Variants in DGKB observed in about 807,000 individuals in gnomAD.
DGKB encodes the protein diacylglycerol kinase beta, also known as 90 kDa diacylglycerol kinase.
Under a neutral mutation model 114.3 loss-of-function variants are expected in DGKB, and 67 were observed. The observed-to-expected ratio is 0.59, with a 90% confidence interval of 0.48 to 0.72. The LOEUF (loss-of-function observed/expected upper bound fraction) is 0.72. Ranked by LOEUF, DGKB falls within the 30% of genes least tolerant of loss-of-function variation. The pLI is 0.00. For missense variants in DGKB, 907 were observed against 975.2 expected (o/e 0.93, Z 0.93); for synonymous variants, 398 against 323.1 (o/e 1.23, Z -2.49).
chr7:14,408,656 A>G (rs986624538), intron 21 of DGKB, among the ~76,000 whole-genome samples: 1 of 152,248 alleles, frequency 6.6e-6, no homozygotes, highest in African/African-American at 2.4e-5. Context: ...CAAATATAGT[A>G]TTTTAAATTT....
chr7:14,188,927 T>C (rs952867741), intron 23 of DGKB, among the ~76,000 whole-genome samples: 1 of 152,064 alleles, frequency 6.6e-6, no homozygotes, highest in African/African-American at 2.4e-5. Context: ...GAATATTATA[T>C]AAAGCAAAGA....
At chr7:14,947,616 A>T (rs1471249751) in intron 1 of DGKB, among the ~76,000 whole-genome samples, 1 of 141,766 alleles carries the variant, frequency 7.1e-6, no homozygotes, top group Middle Eastern at 3.4e-3. Context: ...GAGCTTTAAA[A>T]ACAAACCTGA....
chr7:14,839,657 C>T (rs914948043), intron 2 of DGKB, among the ~76,000 whole-genome samples: 7 of 152,044 alleles, frequency 4.6e-5, no homozygotes, highest in Non-Finnish European at 8.8e-5. Context: ...CTGCCTACAC[C>T]TCCAAAACCT....
intron 17 of DGKB, among the ~76,000 whole-genome samples, chr7:14,589,766 T>C (rs184851465): frequency 1.2e-4 from 18 of 152,278 alleles, no homozygotes; most frequent in Admixed American, 1.2e-3. Flanking sequence ...TGTGTATTAA[T>C]ATTTTTAAGA....
At chr7:14,776,556 C>T (rs974564556) in intron 2 of DGKB, among the ~76,000 whole-genome samples, 4 of 152,204 alleles carry the variant, frequency 2.6e-5, no homozygotes, top group African/African-American at 9.7e-5. Context: ...ATGACTCGGG[C>T]CTTGGCTTCA....
At chr7:14,550,992 T>A (rs1029746069) in intron 20 of DGKB, among the ~76,000 whole-genome samples, 4 of 152,310 alleles carry the variant, frequency 2.6e-5, no homozygotes, top group African/African-American at 9.6e-5. Context: ...GGTTAAAATA[T>A]TTCCTTTGTG....
intron 19 of DGKB, among the ~76,000 whole-genome samples, chr7:14,577,422 T>G (rs77152034): frequency 6.6e-6 from 1 of 152,026 alleles, no homozygotes; most frequent in African/African-American, 2.4e-5. Flanking sequence ...TCAAGACCAT[T>G]CTGGCTAACA....
intron 21 of DGKB, among the ~76,000 whole-genome samples, chr7:14,413,786 T>C (rs1825273536): frequency 6.6e-6 from 1 of 152,168 alleles, no homozygotes; most frequent in South Asian, 2.1e-4. Context: ...CAGTATTGGA[T>C]CAGACTTGAG....
chr7:14,404,433 C>T (rs1823616962), intron 21 of DGKB, among the ~76,000 whole-genome samples: 1 of 151,890 alleles, frequency 6.6e-6, no homozygotes, highest in Non-Finnish European at 1.5e-5. Flanking sequence ...GACTTTCTCT[C>T]ATTGTCCATT....
At chr7:14,491,113 A>C (rs1784535923) in intron 20 of DGKB, among the ~76,000 whole-genome samples, 1 of 152,134 alleles carries the variant, frequency 6.6e-6, no homozygotes, top group South Asian at 2.1e-4. Flanking sequence ...CTACTTCCAT[A>C]TTGATATGGT....
At chr7:14,888,519 G>T (rs891628922) in intron 1 of DGKB, among the ~76,000 whole-genome samples, 6 of 151,690 alleles carry the variant, frequency 4.0e-5, no homozygotes, top group Non-Finnish European at 8.9e-5. Context: ...ATTTCATGTT[G>T]CATTTCAGAC....
At chr7:14,556,098 T>A (rs1434186558) in intron 20 of DGKB, among the ~76,000 whole-genome samples, 1 of 152,198 alleles carries the variant, frequency 6.6e-6, no homozygotes, top group African/African-American at 2.4e-5. Context: ...GGGTCTGGAT[T>A]GGGACTCCTT....
chr7:14,947,892 TC>T (rs537050480), intron 1 of DGKB, among the ~76,000 whole-genome samples: 48 of 151,808 alleles, frequency 3.2e-4, no homozygotes, highest in Non-Finnish European at 5.3e-4. Flanking sequence ...TTAATTGACT[TC>T]CACACCAAAC....
At chr7:14,331,331 T>C (rs975555248) in intron 23 of DGKB, among the ~76,000 whole-genome samples, 2 of 152,040 alleles carry the variant, frequency 1.3e-5, no homozygotes, top group Admixed American at 1.3e-4. Flanking sequence ...GAAATCCTTT[T>C]CTTGTTTCCA....
chr7:14,444,399 A>G (rs1448397587), intron 21 of DGKB, among the ~76,000 whole-genome samples: 1 of 151,834 alleles, frequency 6.6e-6, no homozygotes, highest in Non-Finnish European at 1.5e-5. Context: ...CTGTATGACA[A>G]AATGATAAAC....
intron 4 of DGKB, among the ~76,000 whole-genome samples, chr7:14,753,464 T>C (rs1834401567): frequency 1.3e-5 from 2 of 152,260 alleles, no homozygotes; most frequent in South Asian, 4.1e-4. Flanking sequence ...AACAACTCTT[T>C]GCTTATGTTT....
chr7:14,311,049 G>A (rs1442106265), intron 23 of DGKB, among the ~76,000 whole-genome samples: 2 of 152,082 alleles, frequency 1.3e-5, no homozygotes, highest in Non-Finnish European at 2.9e-5. Flanking sequence ...GATCACTTAA[G>A]CCCAGGAGGT....
At chr7:14,443,098 G>T (rs1390413372) in intron 21 of DGKB, among the ~76,000 whole-genome samples, 4 of 152,096 alleles carry the variant, frequency 2.6e-5, no homozygotes, top group Non-Finnish European at 5.9e-5. Flanking sequence ...TATGTTGGAT[G>T]TGTACTTATT....
intron 19 of DGKB, among the ~76,000 whole-genome samples, chr7:14,577,126 A>G (rs1799239691): frequency 6.6e-6 from 1 of 152,218 alleles, no homozygotes; most frequent in Admixed American, 6.5e-5. Context: ...AGATTTTTAC[A>G]GAAAAGAATA....
Sources: allele counts gnomAD v4.1 joint callset (sites outside exome capture counted in the v4.1 genomes callset), GRCh38; gene constraint gnomAD v4.1.1; transcripts MANE v1.5; gene names NCBI Gene and HGNC (gene_info 2026-07-23, HGNC 2026-07-21).